The following NALCN variants were observed in gnomAD, a reference collection of about 807,000 sequenced individuals.
The protein encoded by NALCN is sodium leak channel NALCN.
Under a neutral mutation model 225.3 loss-of-function variants are expected in NALCN, and 111 were observed. The ratio of observed to expected loss-of-function variants is 0.49; its 90% CI spans 0.42 to 0.58. The LOEUF is 0.58. Among genes scored for constraint, NALCN ranks in the 20% least tolerant of loss-of-function variants. The probability of loss-of-function intolerance (pLI) is 0.00; values close to 1 mark genes in which losing one functional copy is unlikely to be tolerated. For synonymous variants in NALCN, 764 were observed against 769.0 expected (o/e 0.99, Z 0.11); for missense variants, 1,378 against 2,202.4 (o/e 0.63, Z 7.49).
At chr13:101,358,333 T>C (rs1282084588) in intron 6 of NALCN, among the ~76,000 whole-genome samples, 5 of 151,876 alleles carry the variant, frequency 3.3e-5, no homozygotes, top group Non-Finnish European at 7.4e-5. Context: ...CTATAAGAAA[T>C]GTAAACAAAT....
At position 101,243,934 on chromosome 13, in the gene NALCN, C is replaced by T. The variant is rs1258674081; in HGVS notation, c.1267-6012G>A. Among the ~76,000 whole-genome samples the T allele has an allele frequency of 2.8e-5, 3 of 105,858 alleles. 1 individual carries two copies. The highest frequency in any genetic ancestry group is 6.3e-5 in the Non-Finnish European group (3 of 47,300). The allele number at this position is 105,858 out of a possible 152,430, so 69.4% of individuals were successfully genotyped here. ...TCAGACTTTGCTGCAAGTCCTGCGACAGGTACTTCCTCTCTAGCACAGGCT... is the reference window on the plus strand; with the variant it reads ...TCAGACTTTGCTGCAAGTCCTGCGATAGGTACTTCCTCTCTAGCACAGGCT... On this transcript the variant is annotated intron_variant, in intron 11 of 43. Coordinates refer to ENST00000251127, the MANE Select transcript of NALCN (RefSeq NM_052867.4).
At chr13:101,268,982 A>C (rs1330717102) in intron 10 of NALCN, among the ~76,000 whole-genome samples, 1 of 152,186 alleles carries the variant, frequency 6.6e-6, no homozygotes, top group Non-Finnish European at 1.5e-5. Context: ...AAAACCTTTC[A>C]ATTAACTAAC....
intron 11 of NALCN, 71 bp from the exon 12 acceptor site, chr13:101,237,993 G>A: frequency 1.4e-6 from 2 of 1,433,356 alleles, no homozygotes; most frequent in East Asian, 2.4e-5. Flanking sequence ...TCACATATTT[G>A]TCAGTGTATG....
intron 6 of NALCN, among the ~76,000 whole-genome samples, chr13:101,372,908 A>C (rs2046580792): frequency 6.6e-6 from 1 of 152,062 alleles, no homozygotes; most frequent in Non-Finnish European, 1.5e-5. Flanking sequence ...TGTGTGTGTG[A>C]AAAGAATAAT....
intron 39 of NALCN, among the ~76,000 whole-genome samples, chr13:101,066,869 T>C: frequency 6.6e-6 from 1 of 151,954 alleles, no homozygotes; most frequent in East Asian, 1.9e-4. Context: ...TCGCCCCAAA[T>C]ACCCTGGCAG....
At chr13:101,058,136 A>T in intron 42 of NALCN, 80 bp from the exon 43 acceptor site, 1 of 1,213,178 alleles carries the variant, frequency 8.2e-7, no homozygotes, top group Non-Finnish European at 1.2e-6. Context: ...AGGAAAACAC[A>T]TGGCAGGAGG....
In NALCN at chr13:101,153,053, TTC is replaced by T. The variant is rs201200830; in HGVS notation, c.1840-8159_1840-8158del. On this transcript the variant is annotated intron_variant, in intron 15 of 43. Coordinates refer to ENST00000251127, the MANE Select transcript of NALCN (RefSeq NM_052867.4). ...ACGCACATACACTCCCATGTAATTT[TTC>T]TCTTTTTTTTAATTTATAAAACATC... 8.9e-3 allele frequency among the ~76,000 whole-genome samples: 1,351 copies of T among 152,202 alleles called. 13 individuals carry two copies. Among genetic ancestry groups the T allele is most frequent in the African/African-American group, 0.031 (1,277 of 41,534 alleles).
chr13:101,100,948 T>C (rs1202110297), intron 26 of NALCN, 60 bp from the exon 27 acceptor site: 1 of 1,372,256 alleles, frequency 7.3e-7, no homozygotes, highest in African/African-American at 1.5e-5. Flanking sequence ...AGGTTTGGTT[T>C]AAACAGTGAC....
intron 14 of NALCN, among the ~76,000 whole-genome samples, chr13:101,180,174 C>T (rs1481047615): frequency 1.3e-5 from 2 of 150,536 alleles, no homozygotes; most frequent in African/African-American, 2.4e-5. Context: ...TTGTAGGGGC[C>T]CATTTAATCC....
chr13:101,073,518 C>A, intron 37 of NALCN, 66 bp downstream of exon 37: 1 of 1,329,262 alleles, frequency 7.5e-7, no homozygotes. Flanking sequence ...ATCCTGCCAA[C>A]ATTGTGTTGC....
At chr13:101,106,122 G>C (rs1016769316) in intron 22 of NALCN, among the ~76,000 whole-genome samples, 1 of 152,120 alleles carries the variant, frequency 6.6e-6, no homozygotes, top group Non-Finnish European at 1.5e-5. Context: ...CTGTCTCCTT[G>C]ACTTGTGGAG....
chr13:101,415,096 A>C (rs1173600532), intron 1 of NALCN, among the ~76,000 whole-genome samples: 4 of 151,036 alleles, frequency 2.6e-5, no homozygotes, highest in Non-Finnish European at 5.9e-5. Context: ...CTTTGAATTT[A>C]AAAAGCCAGT....
intron 13 of NALCN, among the ~76,000 whole-genome samples, chr13:101,199,413 T>C (rs2040022374): frequency 6.6e-6 from 1 of 151,492 alleles, no homozygotes. Context: ...TGTCCAACAA[T>C]TATAGACTGG....
At chr13:101,073,762 G>A in intron 36 of NALCN, 85 bp from the exon 37 acceptor site, 1 of 1,167,620 alleles carries the variant, frequency 8.6e-7, no homozygotes, top group Non-Finnish European at 1.2e-6. Flanking sequence ...ACCAAAACAA[G>A]TGGAGGTTGT....
At chr13:101,115,405 A>G (rs1397226774) in intron 18 of NALCN, among the ~76,000 whole-genome samples, 3 of 152,178 alleles carry the variant, frequency 2.0e-5, no homozygotes, top group Non-Finnish European at 4.4e-5. Context: ...CTTTAACTGG[A>G]GATCAGATCT....
rs561956396 is a variant in NALCN, at chr13:101,194,553, G to A, written c.1627-2499C>T. Among the ~76,000 whole-genome samples the A allele has an allele frequency of 2.5e-4, 38 of 152,284 alleles. No individual in the cohort carries two copies. The South Asian group carries it at 3.9e-3, about 16-fold the overall frequency. ...GTGCACTTACTGACTTACATTGTCC[G>A]TAGGGCCTGTGCTCTTTATTTATTC... On this transcript the variant is annotated intron_variant, in intron 13 of 43. Transcript: ENST00000251127.
intron 7 of NALCN, among the ~76,000 whole-genome samples, chr13:101,320,365 G>T (rs921042148): frequency 9.2e-5 from 14 of 152,104 alleles, no homozygotes; most frequent in Non-Finnish European, 5.9e-5. Context: ...TTAGATTAAG[G>T]TTGTTTTTGC....
At position 101,204,129 on chromosome 13, in the gene NALCN, A is replaced by T. The variant is rs74117690; in HGVS notation, c.1627-12075T>A. On this transcript the variant is annotated intron_variant, in intron 13 of 43. Coordinates refer to ENST00000251127, the MANE Select transcript of NALCN (RefSeq NM_052867.4). ...AAAGATTTTGTAGCTATTTTTATAC[A>T]TATCTCTCTATGTATGAACTCTTTT... 7.2e-3 allele frequency among the ~76,000 whole-genome samples: 1,096 copies of T among 152,306 alleles called. 14 individuals carry two copies. Among genetic ancestry groups the T allele is most frequent in the African/African-American group, 0.025 (1,052 of 41,570 alleles).
intron 14 of NALCN, among the ~76,000 whole-genome samples, chr13:101,179,231 T>C (rs990654084): frequency 9.2e-5 from 14 of 152,180 alleles, no homozygotes; most frequent in African/African-American, 2.9e-4. Flanking sequence ...ATGAGCCACG[T>C]GGCAACTGCC....
Sources: gnomAD v4.1 joint callset for allele counts (sites outside exome capture counted in the v4.1 genomes callset) on GRCh38, gnomAD v4.1.1 for gene constraint, MANE v1.5 for transcripts, NCBI Gene and HGNC (gene_info 2026-07-23, HGNC 2026-07-21) for gene names.